The following SLC25A46 variants were observed in gnomAD, a reference collection of about 807,000 sequenced individuals.
The protein encoded by SLC25A46 is solute carrier family 25 member 46.
Under a neutral mutation model 44.6 loss-of-function variants are expected in SLC25A46, and 39 were observed. That is an observed-to-expected ratio of 0.87 (90% CI 0.68 to 1.14). The LOEUF is 1.14. Ranked by LOEUF, SLC25A46 falls within the 50% of genes most tolerant of loss-of-function variation. The pLI, the probability that SLC25A46 is intolerant of heterozygous loss-of-function variation, is 0.00. For synonymous variants in SLC25A46, 202 were observed against 185.8 expected (o/e 1.09, Z -0.71); for missense variants, 547 against 522.7 (o/e 1.05, Z -0.45).
chr5:110,749,492 G>T (rs552514468), intron 5 of SLC25A46, among the ~76,000 whole-genome samples: 1 of 150,134 alleles, frequency 6.7e-6, no homozygotes, highest in African/African-American at 2.4e-5. Flanking sequence ...CATGTGTGCC[G>T]TGTGTGTGTG....
chr5:110,760,788 C>T (rs549688035), intron 7 of SLC25A46, among the ~76,000 whole-genome samples: 24 of 152,124 alleles, frequency 1.6e-4, no homozygotes, highest in South Asian at 1.2e-3. Flanking sequence ...TTGTAGAATG[C>T]GAAACTGTGC....
chr5:110,753,040 G>A (rs1250896670), intron 5 of SLC25A46, among the ~76,000 whole-genome samples: 1 of 152,130 alleles, frequency 6.6e-6, no homozygotes, highest in Non-Finnish European at 1.5e-5. Flanking sequence ...GGCAAAGAGT[G>A]CTTCAAGGAG....
intron 7 of SLC25A46, among the ~76,000 whole-genome samples, chr5:110,757,216 TG>T (rs1561607478): frequency 6.6e-6 from 1 of 152,062 alleles, no homozygotes; most frequent in Non-Finnish European, 1.5e-5. Flanking sequence ...TGCCTTTAAG[TG>T]ACATTTGATA....
In SLC25A46 at chr5:110,764,734, A is replaced by G. The variant is rs758322666; in HGVS notation, c.*2952A>G. On this transcript the variant is annotated 3_prime_UTR_variant, in exon 8 of 8. Coordinates refer to ENST00000355943, the MANE Select transcript of SLC25A46 (RefSeq NM_138773.4). ...CTGAGGTTGTGGAGGATTTTTGTCC[A>G]CTGATCTTTTGCAACAGAAAAGCAT... is the stretch of plus-strand genomic sequence containing the variant. 1 of 151,910 alleles carries G rather than the reference A, an allele frequency of 6.6e-6. No individual in the cohort carries two copies. Among genetic ancestry groups the G allele is most frequent in the Non-Finnish European group, 1.5e-5 (1 of 67,906 alleles). The allele number at this position is 151,910 out of a possible 1,614,324, so 9.4% of individuals were successfully genotyped here.
chr5:110,752,207 A>G lies in SLC25A46; in HGVS notation c.564-3258A>G, dbSNP rs143674821. On this transcript the variant is annotated intron_variant, in intron 5 of 7. Coordinates refer to ENST00000355943, the MANE Select transcript of SLC25A46 (RefSeq NM_138773.4). ...ATCAAATCAAAGAGAAAAACAGCAG[A>G]TCTCTAGTGTTCATTAAGTCAGCAA... Among the ~76,000 whole-genome samples, 434 of 152,258 alleles carry G rather than the reference A, an allele frequency of 2.9e-3. 3 individuals are homozygous for G. Among genetic ancestry groups the G allele is most frequent in the African/African-American group, 0.01 (419 of 41,540 alleles).
chr5:110,738,643 G>A (rs371007253), upstream of SLC25A46: 4 of 205,252 alleles, frequency 1.9e-5, no homozygotes, highest in South Asian at 6.7e-5. Context: ...CTCGGAGCAG[G>A]CGAGGCACCA....
chr5:110,748,123 TAGGTATTAAC>T, intron 4 of SLC25A46, 30 bp from the exon 5 acceptor site: 1 of 1,360,000 alleles, frequency 7.4e-7, no homozygotes, highest in East Asian at 2.3e-5. Flanking sequence ...GTTTCAGATG[TAGGTATTAAC>T]AGAAATAACA....
At position 110,758,008 on chromosome 5, in the gene SLC25A46, C is replaced by T. The variant is rs180869218; in HGVS notation, c.678+1249C>T. 2.6e-3 allele frequency among the ~76,000 whole-genome samples: 391 copies of T among 152,120 alleles called. 1 individual carries two copies. Among genetic ancestry groups the T allele is most frequent in the Non-Finnish European group, 4.5e-3 (307 of 67,980 alleles). On this transcript the variant is annotated intron_variant, in intron 7 of 7. Coordinates refer to ENST00000355943, the MANE Select transcript of SLC25A46 (RefSeq NM_138773.4). ...TGAATGAGTTATTTATATAAGTGCC[C>T]GGCTCACTATGTGATAGGGTTTTTT...
chr5:110,755,230 C>T, intron 5 of SLC25A46: 1 of 313,698 alleles, frequency 3.2e-6, no homozygotes, highest in Non-Finnish European at 5.9e-6. Context: ...GTGCCTCTTG[C>T]TTCTCTGCCA....
rs1171977270 is a variant in SLC25A46 at position 110,755,522 on chromosome 5, G to C, written c.620+1G>C. On this transcript the variant is annotated splice_donor_variant, in intron 6 of 7. Transcript: ENST00000355943. LOFTEE classifies it high-confidence loss of function. ...TAGGAGAACACCTTCTACTGAAATCGTAAGTATCAAAAAATGGCATTTTTA... is the reference window on the plus strand; with the variant it reads ...TAGGAGAACACCTTCTACTGAAATCCTAAGTATCAAAAAATGGCATTTTTA... The C allele has an allele frequency of 1.9e-6, 3 of 1,566,978 alleles. No individual in the cohort carries two copies. Among genetic ancestry groups the C allele is most frequent in the Non-Finnish European group, 2.6e-6 (3 of 1,155,982 alleles).
chr5:110,739,883 T>A (rs1415997098), intron 1 of SLC25A46, among the ~76,000 whole-genome samples: 1 of 152,206 alleles, frequency 6.6e-6, no homozygotes, highest in African/African-American at 2.4e-5. Context: ...GCCCTCAGTT[T>A]TCTCATCTTT....
intron 1 of SLC25A46, among the ~76,000 whole-genome samples, chr5:110,739,860 T>TTA (rs1359302822): frequency 6.6e-6 from 1 of 152,204 alleles, no homozygotes; most frequent in Non-Finnish European, 1.5e-5. Context: ...TCTGAACAAC[T>TTA]TAACCTCTGT....
intron 5 of SLC25A46, among the ~76,000 whole-genome samples, chr5:110,750,354 A>G (rs1799934584): frequency 6.6e-6 from 1 of 152,206 alleles, no homozygotes; most frequent in African/African-American, 2.4e-5. Flanking sequence ...ATAGTCAAAT[A>G]TTCTTGAAAT....
chr5:110,758,793 A>G (rs963267726), intron 7 of SLC25A46, among the ~76,000 whole-genome samples: 3 of 152,170 alleles, frequency 2.0e-5, no homozygotes, highest in South Asian at 2.1e-4. Flanking sequence ...AAAAAAATAA[A>G]AAAGAAAGAA....
chr5:110,739,422 A>C lies in SLC25A46; in HGVS notation c.283+20A>C. 1 of 1,531,046 alleles carries C rather than the reference A, an allele frequency of 6.5e-7. No homozygotes were observed. Among genetic ancestry groups the C allele is most frequent in the Non-Finnish European group, 8.7e-7 (1 of 1,145,652 alleles). The allele number at this position is 1,531,046 out of a possible 1,614,324, so 94.8% of individuals were successfully genotyped here. A position where few individuals can be genotyped will look rare whatever the true frequency, so the allele number is the denominator to read the frequency against. ...GCAGTGGTGAGAAGCATGGGGACCG[A>C]CACAGGGATGAGGGGTTACTGGGGC... On this transcript the variant is annotated intron_variant, in intron 1 of 7. Transcript: ENST00000355943.
At chr5:110,738,886 CTT>C, upstream of SLC25A46, 1 of 1,083,642 alleles carries the variant, frequency 9.2e-7, no homozygotes, top group Non-Finnish European at 1.3e-6. Context: ...CGACAACAAA[CTT>C]TTAAGGTCCA....
Position 110,756,718 on chromosome 5 carries a change from G to A in SLC25A46, c.637G>A (p.Ala213Thr). The A allele has an allele frequency of 6.4e-7, 1 of 1,572,160 alleles. No individual in the cohort carries two copies. The highest frequency in any genetic ancestry group is 8.6e-7 in the Non-Finnish European group (1 of 1,165,408). The change falls in exon 7 of 8, where the codon GCA (alanine) becomes ACA (threonine). Residue 213 changes from alanine to threonine, a missense_variant. Physicochemically the swap from Ala to Thr is moderately conservative, Grantham distance 58. Coordinates refer to ENST00000355943, the MANE Select transcript of SLC25A46 (RefSeq NM_138773.4). ...TTTCTATAGCCTAACTTACGTGGTG[G>A]CAATGCCTTTTTATTCAGCAAGTCT... The part of the protein sequence containing the change: ...LLLKSLTYVV[A>T]MPFYSASLIE...
At chr5:110,742,123 A>C (rs1799707202) in intron 2 of SLC25A46, 34 bp downstream of exon 2, 1 of 1,404,326 alleles carries the variant, frequency 7.1e-7, no homozygotes, top group Non-Finnish European at 9.7e-7. Context: ...TACAGCTTTT[A>C]TTTATTGAAT....
At chr5:110,744,311 A>C (rs72773196) in intron 3 of SLC25A46, among the ~76,000 whole-genome samples, 12,221 of 152,190 alleles carry the variant, frequency 0.08, 504 homozygotes, top group Middle Eastern at 0.099. Context: ...ACCAAAACTC[A>C]CTGTGTCGCA....
Sources: gnomAD v4.1 joint callset for allele counts (sites outside exome capture counted in the v4.1 genomes callset) on GRCh38, gnomAD v4.1.1 for gene constraint, MANE v1.5 for transcripts, NCBI Gene and HGNC (gene_info 2026-07-23, HGNC 2026-07-21) for gene names.